Variants in SH2D4A observed in about 807,000 individuals in gnomAD.
The protein encoded by SH2D4A is SH2 domain containing 4A, also known as SH2 domain-containing protein 4A.
A neutral mutation model predicts 64.7 loss-of-function variants in SH2D4A; 70 were observed. The ratio of observed to expected loss-of-function variants is 1.08; its 90% CI spans 0.89 to 1.32. The LOEUF is 1.32. Among genes scored for constraint, SH2D4A ranks in the 40% most tolerant of loss-of-function variants. SH2D4A has a pLI of 0.00. For synonymous variants in SH2D4A, 268 were observed against 200.7 expected (o/e 1.34, Z -2.83); for missense variants, 706 against 540.1 (o/e 1.31, Z -3.04).
chr8:19,328,965 G>C (rs556650097), intron 2 of SH2D4A, among the ~76,000 whole-genome samples: 1 of 152,236 alleles, frequency 6.6e-6, no homozygotes, highest in East Asian at 1.9e-4. Context: ...CCTTAGCCAG[G>C]TGTGTGGGAC....
chr8:19,387,810 A>G (rs896628872), intron 8 of SH2D4A, among the ~76,000 whole-genome samples: 2 of 152,196 alleles, frequency 1.3e-5, no homozygotes, highest in African/African-American at 4.8e-5. Context: ...TCCTGCCTCA[A>G]TATGTGCATG....
At chr8:19,382,862 A>C (rs2053321073) in intron 8 of SH2D4A, among the ~76,000 whole-genome samples, 2 of 97,730 alleles carry the variant, frequency 2.0e-5, no homozygotes, top group African/African-American at 4.2e-5. Context: ...ACAGGGTCTC[A>C]CTCTGTCATC....
chr8:19,348,472 A>G (rs1206321748), intron 4 of SH2D4A, among the ~76,000 whole-genome samples: 5 of 152,192 alleles, frequency 3.3e-5, no homozygotes, highest in Admixed American at 6.5e-5. Flanking sequence ...TTTAAGATAT[A>G]ATATGAAACT....
At chr8:19,345,020 A>G (rs1186220810) in intron 4 of SH2D4A, among the ~76,000 whole-genome samples, 1 of 152,238 alleles carries the variant, frequency 6.6e-6, no homozygotes, top group Non-Finnish European at 1.5e-5. Flanking sequence ...TAATATAATG[A>G]GAGCAAGTGG....
chr8:19,381,437 T>C (rs766869615), intron 8 of SH2D4A, among the ~76,000 whole-genome samples: 1 of 152,194 alleles, frequency 6.6e-6, no homozygotes, highest in African/African-American at 2.4e-5. Context: ...GTAAATGGAA[T>C]TTGATTTGTA....
chr8:19,346,478 T>C (rs910027416), intron 4 of SH2D4A, among the ~76,000 whole-genome samples: 1 of 152,180 alleles, frequency 6.6e-6, no homozygotes, highest in African/African-American at 2.4e-5. Context: ...TGGGACACTC[T>C]AGTTGAAGGA....
At chr8:19,319,285 C>A (rs966968402) in intron 1 of SH2D4A, 59 bp from the exon 2 acceptor site, 33 of 1,132,620 alleles carry the variant, frequency 2.9e-5, no homozygotes, top group Admixed American at 4.8e-5. Flanking sequence ...TAAACCCGTC[C>A]TAGCCAGTGT....
intron 2 of SH2D4A, among the ~76,000 whole-genome samples, chr8:19,327,333 C>T (rs143830156): frequency 4.6e-5 from 7 of 152,286 alleles, no homozygotes; most frequent in South Asian, 4.2e-4. Flanking sequence ...TTAAAGAGTG[C>T]GTGTAATTTT....
At chr8:19,393,562 A>C in intron 9 of SH2D4A, 21 bp downstream of exon 9, 1 of 1,610,932 alleles carries the variant, frequency 6.2e-7, no homozygotes, top group Non-Finnish European at 8.5e-7. Flanking sequence ...GCATAAACTT[A>C]ATTTGCCTTC....
intron 4 of SH2D4A, 57 bp from the exon 5 acceptor site, chr8:19,357,146 C>G: frequency 7.4e-7 from 1 of 1,344,492 alleles, no homozygotes; most frequent in Non-Finnish European, 1.1e-6. Context: ...GACAGATTAT[C>G]TTATGAAACT....
chr8:19,322,226 G>A (rs2052202977), intron 2 of SH2D4A, among the ~76,000 whole-genome samples: 1 of 152,116 alleles, frequency 6.6e-6, no homozygotes, highest in Admixed American at 6.6e-5. Context: ...TGCTGTCATG[G>A]CTGGTGCTGC....
At chr8:19,367,336 A>G (rs900330377) in intron 7 of SH2D4A, among the ~76,000 whole-genome samples, 2 of 152,202 alleles carry the variant, frequency 1.3e-5, no homozygotes, top group South Asian at 2.1e-4. Flanking sequence ...GTTGTCTATA[A>G]TGGTATACTA....
chr8:19,324,772 C>T (rs1346371190), intron 2 of SH2D4A, among the ~76,000 whole-genome samples: 3 of 152,046 alleles, frequency 2.0e-5, no homozygotes, highest in Non-Finnish European at 4.4e-5. Flanking sequence ...AAGCTTAGAG[C>T]TAGGAAAATG....
intron 2 of SH2D4A, among the ~76,000 whole-genome samples, chr8:19,332,691 CAAA>C (rs58695585): frequency 0.012 from 994 of 81,650 alleles, 8 homozygotes; most frequent in African/African-American, 0.032. Context: ...GTGAGACTGT[CAAA>C]AAAAAAAAAA....
rs7835759 is a variant in SH2D4A, at chr8:19,324,410, G to C, written c.181+4682G>C. Among the ~76,000 whole-genome samples the C allele has an allele frequency of 2.0e-5, 3 of 151,984 alleles. No homozygotes were observed. The South Asian group carries it at 6.2e-4, about 32-fold the overall frequency. ...TATGAAAAGCTTTCCCTCTATTTTT[G>C]TGAAATAATGTTAAGGCCATTGGTT... is the stretch of plus-strand genomic sequence containing the variant. On this transcript the variant is annotated intron_variant, in intron 2 of 9. Transcript: ENST00000265807.
intron 7 of SH2D4A, among the ~76,000 whole-genome samples, chr8:19,364,563 C>G (rs770722050): frequency 6.6e-6 from 1 of 152,052 alleles, no homozygotes; most frequent in Non-Finnish European, 1.5e-5. Context: ...GTCCCTACCC[C>G]ACTCTCCCCT....
At chr8:19,336,153 G>T (rs1478194480) in intron 4 of SH2D4A, among the ~76,000 whole-genome samples, 1 of 152,152 alleles carries the variant, frequency 6.6e-6, no homozygotes, top group Non-Finnish European at 1.5e-5. Flanking sequence ...CCATTTTACA[G>T]CTGGGGAAAC....
chr8:19,357,268 A>G lies in SH2D4A; in HGVS notation c.579A>G (p.Ala193=). 6.2e-7 allele frequency: 1 copy of G among 1,613,578 alleles called. No homozygotes were observed. Reference sequence around the variant, plus strand: ...CAGATTCAATCAATCGTATGAAGGCATATGCATTTCACCAGGTAAAAGACT... The same window carrying G: ...CAGATTCAATCAATCGTATGAAGGCGTATGCATTTCACCAGGTAAAAGACT... The part of the protein sequence containing the change: ...MLADSINRMK[A]YAFHQKKESM... The change falls in exon 5 of 10, where the codon GCA becomes GCG. Residue 193 remains alanine (A), a synonymous_variant. Coordinates refer to ENST00000265807, the MANE Select transcript of SH2D4A (RefSeq NM_022071.4).
chr8:19,313,715 C>T lies in SH2D4A; in HGVS notation c.-313C>T. The T allele has an allele frequency of 4.7e-6, 7 of 1,491,540 alleles. No individual in the cohort carries two copies. The highest frequency in any genetic ancestry group is 6.2e-6 in the Non-Finnish European group (7 of 1,120,362). The allele number at this position is 1,491,540 out of a possible 1,614,324, so 92.4% of individuals were successfully genotyped here. The stretch of plus-strand genomic sequence containing the variant: ...GGAGTATTTGCTCAGCCCGCCTGCG[C>T]CGCTTGGGACGCCTCTGCCTTTCCC... On this transcript the variant is annotated 5_prime_UTR_variant, in exon 1 of 10. Transcript: ENST00000265807.
Sources: gnomAD v4.1 joint callset for allele counts (sites outside exome capture counted in the v4.1 genomes callset) on GRCh38, gnomAD v4.1.1 for gene constraint, MANE v1.5 for transcripts, NCBI Gene and HGNC (gene_info 2026-07-23, HGNC 2026-07-21) for gene names.